Variants in ABCA3 observed in about 807,000 individuals in gnomAD.
ABCA3 encodes the protein ATP binding cassette subfamily A member 3.
In ABCA3, 88 loss-of-function variants were observed where a neutral mutation model predicts 172.8. That is an observed-to-expected ratio of 0.51 (90% CI 0.43 to 0.61). The LOEUF is 0.61. Among genes scored for constraint, ABCA3 ranks in the 20% least tolerant of loss-of-function variants. The pLI, the probability that ABCA3 is intolerant of heterozygous loss-of-function variation, is 0.00. For missense variants in ABCA3, 2,164 were observed against 2,301.0 expected (o/e 0.94, Z 1.22); for synonymous variants, 1,066 against 983.8 (o/e 1.08, Z -1.56).
At chr16:2,321,689 C>A (rs773468467) in intron 7 of ABCA3, among the ~76,000 whole-genome samples, 1 of 152,066 alleles carries the variant, frequency 6.6e-6, no homozygotes, top group Non-Finnish European at 1.5e-5. Flanking sequence ...GCACACGTAC[C>A]AACCACCTGC....
In ABCA3 at chr16:2,340,704, G is replaced by T. The variant is rs886051841; in HGVS notation, c.-670C>A. The T allele has an allele frequency of 6.6e-6, 1 of 150,478 alleles. No individual in the cohort carries two copies. The highest frequency in any genetic ancestry group is 2.4e-5 in the African/African-American group (1 of 41,260). The allele number at this position is 150,478 out of a possible 1,614,324, so 9.3% of individuals were successfully genotyped here. A position where few individuals can be genotyped will look rare whatever the true frequency, so the allele number is the denominator to read the frequency against. On this transcript the variant is annotated 5_prime_UTR_variant, in exon 1 of 33. Coordinates refer to ENST00000301732, the MANE Select transcript of ABCA3 (RefSeq NM_001089.3). Reference sequence around the variant, plus strand: ...ACAGCTGCGTGGCCGCCCTGGAGGGGAGGGTGCGCCTGCAACCCGCTACTG... The same window carrying T: ...ACAGCTGCGTGGCCGCCCTGGAGGGTAGGGTGCGCCTGCAACCCGCTACTG...
intron 10 of ABCA3, among the ~76,000 whole-genome samples, chr16:2,309,689 C>T (rs927377949): frequency 6.6e-6 from 1 of 152,172 alleles, no homozygotes; most frequent in African/African-American, 2.4e-5. Context: ...GCCATCATGG[C>T]TCACTGCAGC....
chr16:2,296,990 C>T (rs565462982), intron 17 of ABCA3, among the ~76,000 whole-genome samples: 2 of 152,310 alleles, frequency 1.3e-5, no homozygotes, highest in Admixed American at 6.5e-5. Context: ...TGGCCCTGGC[C>T]ATGCTGTGAG....
In ABCA3 at chr16:2,278,315, C is replaced by T. The variant is rs1332353191; in HGVS notation, c.4691G>A (p.Gly1564Asp). Reference protein sequence around the residue: ...WDTVARARESGKAIIITSHSM... With the variant: ...WDTVARARESDKAIIITSHSM... ...GTGGGAGGTGATGATGATGGCCTTG[C>T]CAGACTCTCGGGCTCGTGCCACGGT... Residue 1564 changes from glycine to aspartate, a missense_variant, in exon 30 of 33, where the codon GGC (glycine) becomes GAC (aspartate). Physicochemically the swap from Gly to Asp is moderately conservative, Grantham distance 94 (BLOSUM62 -1). Transcript: ENST00000301732. This position sits in a 1 kb window ranked among gnomAD's most constrained non-coding sequence, Gnocchi z 4.4. The T allele has an allele frequency of 6.2e-7, 1 of 1,609,950 alleles. No homozygotes were observed. The highest frequency in any genetic ancestry group is 8.5e-7 in the Non-Finnish European group (1 of 1,179,978).
intron 12 of ABCA3, among the ~76,000 whole-genome samples, chr16:2,303,591 A>C (rs1251057421): frequency 1.3e-5 from 2 of 152,028 alleles, no homozygotes; most frequent in Non-Finnish European, 2.9e-5. Flanking sequence ...TTTTTATAAG[A>C]AGCTAGATTT....
chr16:2,308,776 C>T (rs1024498361), intron 10 of ABCA3, among the ~76,000 whole-genome samples, 153 bp from the exon 11 acceptor site: 5 of 152,124 alleles, frequency 3.3e-5, no homozygotes, highest in Admixed American at 2.0e-4. Flanking sequence ...AGCTCCAGCA[C>T]GGGGGGACAC....
intron 1 of ABCA3, among the ~76,000 whole-genome samples, chr16:2,338,376 C>T (rs1490286785): frequency 6.6e-6 from 1 of 152,250 alleles, no homozygotes; most frequent in Admixed American, 6.5e-5. Flanking sequence ...CTACCCATCA[C>T]TTCCCAGCCC....
chr16:2,323,588 G>C lies in ABCA3; in HGVS notation c.548C>G (p.Ser183Cys). ...TGGGTTTGGGAAAAGCGGGAAAAGG[G>C]AAGTAGTGTGCCAGCCTTCTGTCTC... ...LKETEGWHTT[S>C]LFPLFPNPGP... is the part of the protein sequence containing the mutation. Residue 183 changes from serine (S) to cysteine (C), a missense_variant, in exon 7 of 33, where the codon TCC becomes TGC. This residue lies in a region of ABCA3 where 1,343 missense variants were observed against 1,369.6 expected (regional missense o/e 0.98). Coordinates refer to ENST00000301732, the MANE Select transcript of ABCA3 (RefSeq NM_001089.3). The C allele has an allele frequency of 6.2e-7, 1 of 1,614,190 alleles. No individual in the cohort carries two copies. The highest frequency in any genetic ancestry group is 8.5e-7 in the Non-Finnish European group (1 of 1,180,034).
At chr16:2,324,294 G>T (rs2093730707) in intron 6 of ABCA3, 110 bp downstream of exon 6, 1 of 1,449,680 alleles carries the variant, frequency 6.9e-7, no homozygotes, top group African/African-American at 1.4e-5. Flanking sequence ...TTGCAGGCAG[G>T]CAGAGGTTTA....
Position 2,276,643 on chromosome 16 carries a change from CCCTG to C in ABCA3, c.*27_*30del. On this transcript the variant is annotated 3_prime_UTR_variant, in exon 33 of 33. Coordinates refer to ENST00000301732, the MANE Select transcript of ABCA3 (RefSeq NM_001089.3). The stretch of plus-strand genomic sequence containing the variant: ...GATGGGCCCTGCTTGCCCGTCCTGT[CCCTG>C]CCTGATGGCGAGACAGCCGCCACCC... 6.2e-7 allele frequency: 1 copy of C among 1,610,922 alleles called. No individual in the cohort carries two copies. The highest frequency in any genetic ancestry group is 8.5e-7 in the Non-Finnish European group (1 of 1,179,828).
At chr16:2,293,083 G>T (rs1198937744) in intron 18 of ABCA3, among the ~76,000 whole-genome samples, 2 of 151,514 alleles carry the variant, frequency 1.3e-5, no homozygotes, top group Non-Finnish European at 2.9e-5. Context: ...ATGGAGTTTT[G>T]CTCTGTCACC....
chr16:2,296,802 C>T lies in ABCA3; in HGVS notation c.2263+527G>A, dbSNP rs183623842. ...CAGTCACTAGGGGGCAGAAGTGGGA[C>T]GTGAACTTGGGGGGTGTCCTGAGGG... On this transcript the variant is annotated intron_variant, in intron 17 of 32. Transcript: ENST00000301732. 1.1e-3 allele frequency among the ~76,000 whole-genome samples: 161 copies of T among 152,274 alleles called. 1 individual carries two copies. The highest frequency in any genetic ancestry group is 1.8e-3 in the Non-Finnish European group (122 of 68,016).
intron 10 of ABCA3, among the ~76,000 whole-genome samples, chr16:2,312,991 G>A (rs2093708960): frequency 6.6e-6 from 1 of 151,978 alleles, no homozygotes; most frequent in African/African-American, 2.4e-5. Context: ...GGAGACAGAG[G>A]TTGCAGTGAG....
At chr16:2,293,735 G>A (rs1372295262) in intron 18 of ABCA3, among the ~76,000 whole-genome samples, 2 of 151,314 alleles carry the variant, frequency 1.3e-5, no homozygotes, top group African/African-American at 4.9e-5. Context: ...TAGAGATGGG[G>A]TTTCACCATG....
chr16:2,277,528 G>C lies in ABCA3; in HGVS notation c.4983+69C>G, dbSNP rs1016745420. On this transcript the variant is annotated intron_variant, in intron 32 of 32. Transcript: ENST00000301732. The surrounding 1 kb of genome is among the most constrained non-coding windows in gnomAD (Gnocchi z 5.3). The stretch of plus-strand genomic sequence containing the variant: ...GGAAAGAGCCTGCAGTCACCACAGA[G>C]GGAGAGACCCCTGGAGGGACCTCCC... The C allele has an allele frequency of 3.9e-6, 6 of 1,523,168 alleles. No individual in the cohort carries two copies. In the Admixed American group the frequency reaches 5.2e-5, roughly 13 times the overall value. The allele number at this position is 1,523,168 out of a possible 1,614,324, so 94.4% of individuals were successfully genotyped here.
intron 1 of ABCA3, among the ~76,000 whole-genome samples, chr16:2,330,979 C>A (rs2093742274): frequency 6.6e-6 from 1 of 152,060 alleles, no homozygotes; most frequent in African/African-American, 2.4e-5. Flanking sequence ...GAGGAAATGC[C>A]TGGCCCAAAA....
Position 2,277,814 on chromosome 16 carries a change from G to C in ABCA3, c.4909+65C>G, listed in dbSNP as rs1596826483. The C allele has an allele frequency of 3.1e-6, 5 of 1,601,270 alleles. No individual in the cohort carries two copies. The East Asian group carries it at 9.0e-5, about 29-fold the overall frequency. The stretch of plus-strand genomic sequence containing the variant: ...CGAGGCACAGACGCTCCGCACAGCA[G>C]ATGGGAGAGGCCTAGGTAGGGGCCC... On this transcript the variant is annotated intron_variant, in intron 31 of 32. Transcript: ENST00000301732. The surrounding 1 kb of genome is among the most constrained non-coding windows in gnomAD (Gnocchi z 5.3).
rs2093662506 is a variant in ABCA3 at position 2,285,948 on chromosome 16, G to T, written c.3279-302C>A. Among the ~76,000 whole-genome samples the T allele has an allele frequency of 6.6e-6, 1 of 152,202 alleles. No individual in the cohort carries two copies. The highest frequency in any genetic ancestry group is 1.5e-5 in the Non-Finnish European group (1 of 68,028). On this transcript the variant is annotated intron_variant, in intron 22 of 32. Transcript: ENST00000301732. The surrounding 1 kb of genome is among the most constrained non-coding windows in gnomAD (Gnocchi z 4.7). ...CCTTGCCCAGGTGTGGAGGTCCCGA[G>T]CCCCACCTCCTCCTGGAGTGTGGCA...
Position 2,277,673 on chromosome 16 carries a change from G to A in ABCA3, c.4910-3C>T, listed in dbSNP as rs2093648550. ...GTGCTCATCTTCCAGGACGCTGCCT[G>A]CACAAAGGAGAGACGGTGTTGCTGT... On this transcript the variant is annotated splice_region_variant and splice_polypyrimidine_tract_variant and intron_variant, in intron 31 of 32. Coordinates refer to ENST00000301732, the MANE Select transcript of ABCA3 (RefSeq NM_001089.3). The surrounding 1 kb of genome is among the most constrained non-coding windows in gnomAD (Gnocchi z 5.3). The A allele has an allele frequency of 6.2e-7, 1 of 1,613,168 alleles. No homozygotes were observed. Among genetic ancestry groups the A allele is most frequent in the Non-Finnish European group, 8.5e-7 (1 of 1,179,986 alleles).
Sources: gnomAD v4.1 joint callset for allele counts (sites outside exome capture counted in the v4.1 genomes callset) on GRCh38, gnomAD v4.1.1 for gene constraint, gnomAD v4.1.1 regional missense constraint, Gnocchi (gnomAD v3.1) non-coding constraint, MANE v1.5 for transcripts, NCBI Gene and HGNC (gene_info 2026-07-23, HGNC 2026-07-21) for gene names.